Variants in NUP153 observed in about 807,000 individuals in gnomAD.
NUP153 encodes nuclear pore complex protein Nup153.
Under a neutral mutation model 134.6 loss-of-function variants are expected in NUP153, and 27 were observed. That is an observed-to-expected ratio of 0.20 (90% CI 0.15 to 0.28). The LOEUF is 0.28. NUP153 is among the 10% of genes least tolerant of loss of function. The pLI is 1.00. For synonymous variants in NUP153, 640 were observed against 623.5 expected (o/e 1.03, Z -0.40); for missense variants, 1,821 against 1,731.3 (o/e 1.05, Z -0.92).
intron 5 of NUP153, among the ~76,000 whole-genome samples, chr6:17,673,897 C>A (rs1768060176): frequency 6.6e-6 from 1 of 152,218 alleles, no homozygotes; most frequent in Non-Finnish European, 1.5e-5. Context: ...TCACAAAAAA[C>A]ATTCATAGCA....
chr6:17,617,897 G>GCACCAGAA (rs1764421278), intron 20 of NUP153, among the ~76,000 whole-genome samples: 1 of 151,998 alleles, frequency 6.6e-6, no homozygotes, highest in Admixed American at 6.6e-5. Flanking sequence ...CTCTTCCACC[G>GCACCAGAA]CACCAGAACA....
chr6:17,682,665 G>C (rs561798792), intron 2 of NUP153, among the ~76,000 whole-genome samples: 1 of 152,132 alleles, frequency 6.6e-6, no homozygotes, highest in Non-Finnish European at 1.5e-5. Flanking sequence ...ACACCTGTAA[G>C]CCCAGCACTT....
chr6:17,661,052 C>T (rs1319684234), intron 11 of NUP153, among the ~76,000 whole-genome samples: 3 of 152,064 alleles, frequency 2.0e-5, no homozygotes, highest in African/African-American at 4.8e-5. Context: ...CGGTGGCTCT[C>T]GCCTGTAATC....
Position 17,637,748 on chromosome 6 carries a change from A to C in NUP153, c.1869T>G (p.Asp623Glu), listed in dbSNP as rs61748574. The stretch of plus-strand genomic sequence containing the variant: ...TTGCGGTGGGCTGAGCAGCAACAGA[A>C]TCTATCTTCGGCGATGCGAAACCTA... ...KSPGFASPKI[D>E]SVAAQPTATS... The change falls in exon 16 of 22, where the codon GAT becomes GAG. Residue 623 changes from aspartate (D) to glutamate (E), a missense_variant. Transcript: ENST00000262077. 8,971 of 1,602,532 alleles carry C rather than the reference A, an allele frequency of 5.6e-3. 49 individuals are homozygous for C. Among genetic ancestry groups the C allele is most frequent in the Middle Eastern group, 0.018 (111 of 6,048 alleles).
intron 14 of NUP153, among the ~76,000 whole-genome samples, chr6:17,645,295 A>C (rs1168215061): frequency 6.7e-6 from 1 of 150,054 alleles, no homozygotes; most frequent in Non-Finnish European, 1.5e-5. Context: ...TTATTCATTC[A>C]TTTCTTTCTT....
chr6:17,640,608 C>T lies in NUP153; in HGVS notation c.1721-544G>A, dbSNP rs181584823. On this transcript the variant is annotated intron_variant, in intron 14 of 21. Coordinates refer to ENST00000262077, the MANE Select transcript of NUP153 (RefSeq NM_005124.4). Reference sequence around the variant, plus strand: ...GTGACATGATGAAATACTTATGCAGCCACAGAAATCATTCTTTTTCAAAAC... The same window carrying T: ...GTGACATGATGAAATACTTATGCAGTCACAGAAATCATTCTTTTTCAAAAC... Among the ~76,000 whole-genome samples, 301 of 152,218 alleles carry T rather than the reference C, an allele frequency of 2.0e-3. 2 individuals carry two copies. Among genetic ancestry groups the T allele is most frequent in the African/African-American group, 6.6e-3 (273 of 41,530 alleles).
At chr6:17,622,989 G>T (rs1034234270) in intron 20 of NUP153, among the ~76,000 whole-genome samples, 24 of 152,014 alleles carry the variant, frequency 1.6e-4, no homozygotes, top group African/African-American at 5.8e-4. Flanking sequence ...AATCAGCCAG[G>T]TGTGGTGGCA....
rs137915465 is a variant in NUP153 at position 17,668,610 on chromosome 6, C to T, written c.1068+365G>A. ...TTAGTCCCGGCACTTTGGGAGGCCACGGCAGGCAGATCACCTGAGCTCAGG... is the reference window on the plus strand; with the variant it reads ...TTAGTCCCGGCACTTTGGGAGGCCATGGCAGGCAGATCACCTGAGCTCAGG... On this transcript the variant is annotated intron_variant, in intron 8 of 21. Transcript: ENST00000262077. Among the ~76,000 whole-genome samples the T allele has an allele frequency of 4.9e-3, 747 of 151,970 alleles. 9 individuals carry two copies. The highest frequency in any genetic ancestry group is 0.017 in the African/African-American group (704 of 41,454).
intron 16 of NUP153, among the ~76,000 whole-genome samples, chr6:17,634,937 A>G (rs1216142909): frequency 6.6e-6 from 1 of 151,716 alleles, no homozygotes; most frequent in African/African-American, 2.4e-5. Flanking sequence ...AAAATATACT[A>G]ACACTAGCAA....
At chr6:17,682,337 T>C (rs1317376026) in intron 2 of NUP153, among the ~76,000 whole-genome samples, 1 of 152,206 alleles carries the variant, frequency 6.6e-6, no homozygotes, top group Non-Finnish European at 1.5e-5. Flanking sequence ...TGTTGATGGC[T>C]ACTGACTGAT....
Position 17,706,679 on chromosome 6 carries a change from TC to T in NUP153, c.-293del. The T allele has an allele frequency of 2.1e-6, 1 of 480,182 alleles. No individual in the cohort carries two copies. The highest frequency in any genetic ancestry group is 3.7e-6 in the Non-Finnish European group (1 of 268,184). The allele number at this position is 480,182 out of a possible 1,614,324, so 29.7% of individuals were successfully genotyped here. A position where few individuals can be genotyped will look rare whatever the true frequency, so the allele number is the denominator to read the frequency against. ...GTGTGTCACGGTCTCTATGGAGATC[TC>T]CCGCAGAGGACAGCACGAACAGTTC... On this transcript the variant is annotated 5_prime_UTR_variant, in exon 1 of 22. Transcript: ENST00000262077. The surrounding 1 kb of genome is among the most constrained non-coding windows in gnomAD (Gnocchi z 5.9).
At chr6:17,673,441 A>G (rs945636486) in intron 5 of NUP153, among the ~76,000 whole-genome samples, 13 of 152,226 alleles carry the variant, frequency 8.5e-5, no homozygotes, top group Non-Finnish European at 1.3e-4. Flanking sequence ...AACATATAAC[A>G]AAGTATTTGT....
chr6:17,668,910 T>C (rs1200817770), intron 8 of NUP153, 65 bp downstream of exon 8: 7 of 1,092,648 alleles, frequency 6.4e-6, no homozygotes, highest in Non-Finnish European at 6.8e-6. Context: ...ATTTGTATAC[T>C]TGTGAACTTT....
At chr6:17,693,248 G>GT (rs1769395448) in intron 1 of NUP153, among the ~76,000 whole-genome samples, 1 of 150,504 alleles carries the variant, frequency 6.6e-6, no homozygotes, top group East Asian at 1.9e-4. Flanking sequence ...TGCTGTGCTG[G>GT]TATCCACTTG....
At position 17,682,926 on chromosome 6, in the gene NUP153, A is replaced by AAG. The variant is rs1491503221; in HGVS notation, c.334+5469_334+5470insCT. Among the ~76,000 whole-genome samples the AAG allele has an allele frequency of 1.2e-3, 17 of 13,796 alleles. No homozygotes were observed. In the South Asian group the frequency reaches 0.037, roughly 30 times the overall value. 9.1% of individuals were successfully genotyped at this position (13,796 alleles called of 152,430 possible). A position where few individuals can be genotyped will look rare whatever the true frequency, so the allele number is the denominator to read the frequency against. On this transcript the variant is annotated intron_variant, in intron 2 of 21. Transcript: ENST00000262077. ...GAGCAAGACTGTCTCAAAAAAGAAG[A>AAG]AAAAAAAAAAAAAAAACACTTTCTT...
intron 18 of NUP153, 138 bp from the exon 19 acceptor site, chr6:17,626,302 T>A (rs747512411): frequency 1.9e-5 from 12 of 626,314 alleles, no homozygotes; most frequent in Non-Finnish European, 2.8e-5. Flanking sequence ...GATTACTTCA[T>A]CAAATGGACA....
Position 17,671,892 on chromosome 6 carries a change from C to T in NUP153, c.853-2346G>A, listed in dbSNP as rs1380477424. The stretch of plus-strand genomic sequence containing the variant: ...GCATGGTGGTGTGTGCCTGTAGTCC[C>T]AGCTACTTGGGAGGCTGAGGCAGGA... On this transcript the variant is annotated intron_variant, in intron 5 of 21. Coordinates refer to ENST00000262077, the MANE Select transcript of NUP153 (RefSeq NM_005124.4). Among the ~76,000 whole-genome samples, 4 of 152,192 alleles carry T rather than the reference C, an allele frequency of 2.6e-5. No individual in the cohort carries two copies. The South Asian group carries it at 6.2e-4, about 24-fold the overall frequency.
Position 17,675,839 on chromosome 6 carries a change from C to T in NUP153, c.335-69G>A. 3 of 1,470,658 alleles carry T rather than the reference C, an allele frequency of 2.0e-6. No homozygotes were observed. The highest frequency in any genetic ancestry group is 4.5e-5 in the East Asian group (2 of 44,128). The allele number at this position is 1,470,658 out of a possible 1,614,324, so 91.1% of individuals were successfully genotyped here. A position where few individuals can be genotyped will look rare whatever the true frequency, so the allele number is the denominator to read the frequency against. On this transcript the variant is annotated intron_variant, in intron 2 of 21. Coordinates refer to ENST00000262077, the MANE Select transcript of NUP153 (RefSeq NM_005124.4). This position sits in a 1 kb window ranked among gnomAD's most constrained non-coding sequence, Gnocchi z 4.4. ...GATACACTACCACAAATGGTTTTTACTTTAAGAAAACACATTACAGTATAT... is the reference window on the plus strand; with the variant it reads ...GATACACTACCACAAATGGTTTTTATTTTAAGAAAACACATTACAGTATAT...
intron 1 of NUP153, among the ~76,000 whole-genome samples, chr6:17,704,804 G>C (rs1770371036): frequency 6.6e-6 from 1 of 150,388 alleles, no homozygotes; most frequent in African/African-American, 2.5e-5. Context: ...CTGTCGCCCA[G>C]GCTGGAGTGC....
Sources: allele counts gnomAD v4.1 joint callset (sites outside exome capture counted in the v4.1 genomes callset), GRCh38; gene constraint gnomAD v4.1.1; non-coding constraint Gnocchi (gnomAD v3.1); transcripts MANE v1.5; gene names NCBI Gene and HGNC (gene_info 2026-07-23, HGNC 2026-07-21).